The following PLEKHA7 variants were observed in gnomAD, a reference collection of about 807,000 sequenced individuals.
The protein encoded by PLEKHA7 is pleckstrin homology domain-containing family A member 7.
Under a neutral mutation model 170.0 loss-of-function variants are expected in PLEKHA7, and 104 were observed. That is an observed-to-expected ratio of 0.61 (90% CI 0.52 to 0.72). The LOEUF is 0.72. PLEKHA7 is among the 30% of genes least tolerant of loss of function. PLEKHA7 has a pLI of 0.00. For synonymous variants in PLEKHA7, 648 were observed against 660.8 expected, an observed-to-expected ratio of 0.98 and a Z score of 0.30; for missense variants, 1,615 against 1,671.7, an observed-to-expected ratio of 0.97 and a Z score of 0.59.
At chr11:16,785,106 C>A (rs1379489688) in intron 24 of PLEKHA7, among the ~76,000 whole-genome samples, 1 of 152,230 alleles carries the variant, frequency 6.6e-6, no homozygotes, top group Non-Finnish European at 1.5e-5. Context: ...TATCCACACA[C>A]TGTTCCTTTG....
intron 17 of PLEKHA7, chr11:16,795,244 A>T: frequency 1.9e-6 from 1 of 530,840 alleles, no homozygotes; most frequent in South Asian, 2.3e-5. Flanking sequence ...TCAGCAGTCC[A>T]GCTTGCCTAC....
chr11:16,818,988 A>G (rs1242893376), intron 10 of PLEKHA7, among the ~76,000 whole-genome samples: 2 of 149,884 alleles, frequency 1.3e-5, no homozygotes, highest in African/African-American at 4.9e-5. Context: ...TATTTTTAGT[A>G]GAGACAGGGT....
intron 9 of PLEKHA7, among the ~76,000 whole-genome samples, chr11:16,830,691 C>T (rs1851034819): frequency 6.6e-6 from 1 of 152,200 alleles, no homozygotes; most frequent in African/African-American, 2.4e-5. Flanking sequence ...TAACCATTCA[C>T]CATGTATTTA....
chr11:16,792,070 C>T (rs1162640468), intron 19 of PLEKHA7, among the ~76,000 whole-genome samples: 1 of 152,188 alleles, frequency 6.6e-6, no homozygotes, highest in African/African-American at 2.4e-5. Flanking sequence ...AAAGAGCACT[C>T]CAAAGCAAAG....
At chr11:16,785,488 A>C (rs1201111270) in intron 24 of PLEKHA7, among the ~76,000 whole-genome samples, 1 of 152,224 alleles carries the variant, frequency 6.6e-6, no homozygotes, top group Non-Finnish European at 1.5e-5. Context: ...TAGGGATACA[A>C]AGGTGAACCA....
rs184987443 is a variant in PLEKHA7 at position 16,813,389 on chromosome 11, T to C, written c.1954-223A>G. 19 of 440,652 alleles carry C rather than the reference T, an allele frequency of 4.3e-5. No individual in the cohort carries two copies. The East Asian group carries it at 5.0e-4, about 12-fold the overall frequency. 27.3% of individuals were successfully genotyped at this position (440,652 alleles called of 1,614,324 possible). A position where few individuals can be genotyped will look rare whatever the true frequency, so the allele number is the denominator to read the frequency against. On this transcript the variant is annotated intron_variant, in intron 12 of 26. Coordinates refer to ENST00000531066, the MANE Select transcript of PLEKHA7 (RefSeq NM_001329630.2). ...CAGGTCACTGTGGGGAAAGTCAGCT[T>C]GTCCCCCACTGGCTAGGGGAAGAGT... is the stretch of plus-strand genomic sequence containing the variant.
intron 3 of PLEKHA7, among the ~76,000 whole-genome samples, chr11:16,957,091 GGC>G (rs1861743627): frequency 6.6e-6 from 1 of 152,162 alleles, no homozygotes; most frequent in Admixed American, 6.5e-5. Flanking sequence ...AAAGGTTAGT[GGC>G]AAGAGCCTTT....
chr11:16,831,132 C>G (rs776722903), intron 9 of PLEKHA7, among the ~76,000 whole-genome samples: 3 of 152,184 alleles, frequency 2.0e-5, no homozygotes, highest in Non-Finnish European at 4.4e-5. Flanking sequence ...GCTCCTTATT[C>G]CCATGGCTCC....
intron 5 of PLEKHA7, among the ~76,000 whole-genome samples, chr11:16,855,346 C>G (rs1387377877): frequency 6.6e-6 from 1 of 152,170 alleles, no homozygotes; most frequent in Non-Finnish European, 1.5e-5. Flanking sequence ...ATATTTACCC[C>G]TCCTATCTGG....
intron 3 of PLEKHA7, among the ~76,000 whole-genome samples, chr11:17,008,804 G>A (rs61881310): frequency 0.075 from 11,423 of 152,124 alleles, 546 homozygotes; most frequent in Middle Eastern, 0.18. Flanking sequence ...TAGGGGGAAC[G>A]GAATTCACAA....
chr11:16,918,354 G>C (rs550103698), intron 3 of PLEKHA7, among the ~76,000 whole-genome samples: 3 of 152,266 alleles, frequency 2.0e-5, no homozygotes, highest in Non-Finnish European at 4.4e-5. Flanking sequence ...ATCCCAACAG[G>C]AGTCAGACCT....
Position 16,952,948 on chromosome 11 carries a change from C to A in PLEKHA7, c.221+61041G>T, listed in dbSNP as rs559845954. On this transcript the variant is annotated intron_variant, in intron 3 of 26. Transcript: ENST00000531066. Reference sequence around the variant, plus strand: ...AAAAAATTTTTAATTTGCTTTTTCACAATGGCATCTACATATATTTGAAAA... The same window carrying A: ...AAAAAATTTTTAATTTGCTTTTTCAAAATGGCATCTACATATATTTGAAAA... Among the ~76,000 whole-genome samples, 322 of 152,338 alleles carry A rather than the reference C, an allele frequency of 2.1e-3. 2 individuals carry two copies. Among genetic ancestry groups the A allele is most frequent in the African/African-American group, 7.4e-3 (307 of 41,580 alleles).
chr11:16,880,992 C>T (rs552528087), intron 3 of PLEKHA7, among the ~76,000 whole-genome samples: 3 of 150,750 alleles, frequency 2.0e-5, no homozygotes, highest in Non-Finnish European at 4.4e-5. Context: ...AACACAGAGA[C>T]AGAGGCAGAC....
chr11:16,888,400 A>AG (rs1491181132), intron 3 of PLEKHA7, among the ~76,000 whole-genome samples: 12 of 147,532 alleles, frequency 8.1e-5, no homozygotes, highest in East Asian at 1.9e-4. Context: ...TGTTGAGTAG[A>AG]CGGGGGGGAA....
intron 26 of PLEKHA7, among the ~76,000 whole-genome samples, chr11:16,779,606 T>C (rs1344730012): frequency 6.6e-6 from 1 of 152,050 alleles, no homozygotes; most frequent in Non-Finnish European, 1.5e-5. Context: ...TCCCTATGGC[T>C]CCTCAACCAC....
intron 3 of PLEKHA7, among the ~76,000 whole-genome samples, chr11:16,995,246 T>TC (rs1864271057): frequency 6.6e-6 from 1 of 152,160 alleles, no homozygotes; most frequent in Non-Finnish European, 1.5e-5. Context: ...CAGACCATGC[T>TC]CCTGAGCACT....
chr11:16,802,828 G>A (rs1427132632), intron 15 of PLEKHA7, 144 bp downstream of exon 15: 6 of 729,534 alleles, frequency 8.2e-6, no homozygotes, highest in Non-Finnish European at 1.4e-5. Context: ...TTACAGGCAT[G>A]AGCCACCGCA....
At chr11:16,809,470 C>G (rs928863927) in intron 13 of PLEKHA7, among the ~76,000 whole-genome samples, 12 of 152,322 alleles carry the variant, frequency 7.9e-5, no homozygotes, top group Non-Finnish European at 1.0e-4. Context: ...CCTCACCCCC[C>G]TCCAAGGAAC....
chr11:16,795,205 C>T lies in PLEKHA7; in HGVS notation c.2410-187G>A, dbSNP rs1317518678. The T allele has an allele frequency of 1.1e-5, 6 of 565,322 alleles. No individual in the cohort carries two copies. The Admixed American group carries it at 1.2e-4, about 12-fold the overall frequency. 35.0% of individuals were successfully genotyped at this position (565,322 alleles called of 1,614,324 possible). Reference sequence around the variant, plus strand: ...TAAGCATAGACAAGGAAAATGCCCACGATCCAGGGAGAAATTTCAGAGTAG... The same window carrying T: ...TAAGCATAGACAAGGAAAATGCCCATGATCCAGGGAGAAATTTCAGAGTAG... On this transcript the variant is annotated intron_variant, in intron 17 of 26. Transcript: ENST00000531066.
Sources: allele counts gnomAD v4.1 joint callset (sites outside exome capture counted in the v4.1 genomes callset), GRCh38; gene constraint gnomAD v4.1.1; transcripts MANE v1.5; gene names NCBI Gene and HGNC (gene_info 2026-07-23, HGNC 2026-07-21).